The following PCDHGA10 variants were observed in gnomAD, a reference collection of about 807,000 sequenced individuals.
The protein encoded by PCDHGA10 is protocadherin gamma-A10.
PCDHGA10 carries 42 observed loss-of-function variants against 59.5 expected under a neutral mutation model. The ratio of observed to expected loss-of-function variants is 0.71; its 90% CI spans 0.55 to 0.91. PCDHGA10 has a LOEUF of 0.91. PCDHGA10 is among the 40% of genes least tolerant of loss of function. The pLI, the probability that PCDHGA10 is intolerant of heterozygous loss-of-function variation, is 0.00. For synonymous variants in PCDHGA10, 511 were observed against 517.2 expected, an observed-to-expected ratio of 0.99 and a Z score of 0.16; for missense variants, 1,111 against 1,198.2, an observed-to-expected ratio of 0.93 and a Z score of 1.07.
At chr5:141,451,468 C>G (rs2098716484) in intron 1 of PCDHGA10, among the ~76,000 whole-genome samples, 1 of 152,202 alleles carries the variant, frequency 6.6e-6, no homozygotes, top group South Asian at 2.1e-4. Context: ...AGGTCTACCT[C>G]AGTTCCTTGC....
chr5:141,495,943 CTGT>C (rs1324780860), intron 2 of PCDHGA10, among the ~76,000 whole-genome samples: 1 of 152,010 alleles, frequency 6.6e-6, no homozygotes, highest in Non-Finnish European at 1.5e-5. Flanking sequence ...GTCTCTGTGC[CTGT>C]TGTCTTTTTC....
chr5:141,469,284 A>G lies in PCDHGA10; in HGVS notation c.2437-25523A>G, dbSNP rs192391622. On this transcript the variant is annotated intron_variant, in intron 1 of 3. Transcript: ENST00000398610. ...AGAGCAAGACCCCATCTCAAAAAAT[A>G]AAACAAAATAGACTGGGCACGATGG... Among the ~76,000 whole-genome samples, 595 of 152,012 alleles carry G rather than the reference A, an allele frequency of 3.9e-3. 6 individuals are homozygous for G. The highest frequency in any genetic ancestry group is 0.011 in the Admixed American group (171 of 15,260).
At chr5:141,418,539 A>G (rs984639830) in intron 1 of PCDHGA10, 14 of 1,614,034 alleles carry the variant, frequency 8.7e-6, no homozygotes, top group Non-Finnish European at 1.0e-5. Context: ...GGTACTGCTC[A>G]GATAAGAATC....
chr5:141,486,522 A>G lies in PCDHGA10; in HGVS notation c.2437-8285A>G. 1 of 1,614,174 alleles carries G rather than the reference A, an allele frequency of 6.2e-7. No homozygotes were observed. Among genetic ancestry groups the G allele is most frequent in the Non-Finnish European group, 8.5e-7 (1 of 1,180,024 alleles). On this transcript the variant is annotated intron_variant, in intron 1 of 3. Transcript: ENST00000398610. The surrounding 1 kb of genome is among the most constrained non-coding windows in gnomAD (Gnocchi z 5.0). The stretch of plus-strand genomic sequence containing the variant: ...TTCCTCAATATTTCAGATGTGAATG[A>G]TAATCCACCCTCTTTCTTTCAGAGG...
At position 141,478,208 on chromosome 5, in the gene PCDHGA10, C is replaced by G. The variant is rs200735608; in HGVS notation, c.2437-16599C>G. The G allele has an allele frequency of 2.5e-6, 4 of 1,614,096 alleles. No individual in the cohort carries two copies. The East Asian group carries it at 8.9e-5, about 36-fold the overall frequency. ...TCTCACCTTTTATCTACTTCTTTCTCTAATCCTGGTTTCTGTGGGGTTTGT... is the reference window on the plus strand; with the variant it reads ...TCTCACCTTTTATCTACTTCTTTCTGTAATCCTGGTTTCTGTGGGGTTTGT... On this transcript the variant is annotated intron_variant, in intron 1 of 3. Coordinates refer to ENST00000398610, the MANE Select transcript of PCDHGA10 (RefSeq NM_018913.3).
intron 1 of PCDHGA10, chr5:141,478,419 G>A (rs2530208): frequency 3.7e-6 from 6 of 1,613,632 alleles, no homozygotes; most frequent in South Asian, 2.2e-5. Context: ...GACTCCCGCC[G>A]CAGCGACCCG....
chr5:141,431,736 G>T lies in PCDHGA10; in HGVS notation c.2436+16125G>T. On this transcript the variant is annotated intron_variant, in intron 1 of 3. Transcript: ENST00000398610. The surrounding 1 kb of genome is among the most constrained non-coding windows in gnomAD (Gnocchi z 4.8). ...GAAGTGCAAGCAATGGATAATGCAG[G>T]ATATTCTGCGCGAGCCAAAGTCCTG... 1 of 1,614,218 alleles carries T rather than the reference G, an allele frequency of 6.2e-7. No individual in the cohort carries two copies. The highest frequency in any genetic ancestry group is 8.5e-7 in the Non-Finnish European group (1 of 1,180,046).
At chr5:141,419,471 G>A in intron 1 of PCDHGA10, 1 of 1,612,462 alleles carries the variant, frequency 6.2e-7, no homozygotes, top group Non-Finnish European at 8.5e-7. Context: ...CCGCGACCAG[G>A]GCTCGCCCGC....
At chr5:141,496,373 C>T (rs1315450867) in intron 2 of PCDHGA10, among the ~76,000 whole-genome samples, 2 of 152,216 alleles carry the variant, frequency 1.3e-5, no homozygotes. Flanking sequence ...GAAGCAGGAG[C>T]TTGGGCCACC....
At position 141,414,589 on chromosome 5, in the gene PCDHGA10, G is replaced by T; in HGVS notation, c.1414G>T (p.Gly472Cys). 1.2e-6 allele frequency: 2 copies of T among 1,613,834 alleles called. No individual in the cohort carries two copies. Among genetic ancestry groups the T allele is most frequent in the African/African-American group, 2.7e-5 (2 of 74,980 alleles). ...CTATATCCCAGAGAACAACGCCAGG[G>T]GTGCCTCCATCTTCTCAGTGACAGC... ...FTYIPENNARGASIFSVTALD... is the reference protein window; with the variant it reads ...FTYIPENNARCASIFSVTALD... Residue 472 changes from glycine (G) to cysteine (C), a missense_variant, in exon 1 of 4, where the codon GGT becomes TGT. Coordinates refer to ENST00000398610, the MANE Select transcript of PCDHGA10 (RefSeq NM_018913.3).
rs761126985 is a variant in PCDHGA10 at position 141,431,245 on chromosome 5, C to G, written c.2436+15634C>G. ...TACCCCACGCCTGGGATCCGGATAT[C>G]GGGAAGAACTCTCTGCAGAGCTACG... is the stretch of plus-strand genomic sequence containing the variant. On this transcript the variant is annotated intron_variant, in intron 1 of 3. Transcript: ENST00000398610. This position sits in a 1 kb window ranked among gnomAD's most constrained non-coding sequence, Gnocchi z 4.8. 1.2e-6 allele frequency: 2 copies of G among 1,614,016 alleles called. No homozygotes were observed. Among genetic ancestry groups the G allele is most frequent in the Non-Finnish European group, 1.7e-6 (2 of 1,180,046 alleles).
rs139156138 is a variant in PCDHGA10 at position 141,472,179 on chromosome 5, T to C, written c.2437-22628T>C. 5.1e-4 allele frequency among the ~76,000 whole-genome samples: 77 copies of C among 152,246 alleles called. 4 individuals are homozygous for C. The East Asian group carries it at 0.014, about 27-fold the overall frequency. On this transcript the variant is annotated intron_variant, in intron 1 of 3. Coordinates refer to ENST00000398610, the MANE Select transcript of PCDHGA10 (RefSeq NM_018913.3). ...TAGCTACTAGGTGTAATATCCAGTATTGGAATTTGAATCTTTTTGACACTA... is the reference window on the plus strand; with the variant it reads ...TAGCTACTAGGTGTAATATCCAGTACTGGAATTTGAATCTTTTTGACACTA...
In PCDHGA10 at chr5:141,415,122, C is replaced by G. The variant is rs552568826; in HGVS notation, c.1947C>G (p.Ala649=). The change falls in exon 1 of 4, where the codon GCC becomes GCG. Residue 649 remains alanine (A), a synonymous_variant. Coordinates refer to ENST00000398610, the MANE Select transcript of PCDHGA10 (RefSeq NM_018913.3). The part of the protein sequence containing the change: ...RDALKQSLVV[A]VQDHGQPPLS... The stretch of plus-strand genomic sequence containing the variant: ...CGCTCAAGCAAAGCCTCGTAGTGGC[C>G]GTCCAGGACCACGGCCAGCCCCCTC... 6.2e-7 allele frequency: 1 copy of G among 1,613,668 alleles called. No homozygotes were observed. Among genetic ancestry groups the G allele is most frequent in the Non-Finnish European group, 8.5e-7 (1 of 1,180,010 alleles).
intron 1 of PCDHGA10, chr5:141,427,320 G>GT: frequency 2.2e-6 from 1 of 457,086 alleles, no homozygotes; most frequent in Non-Finnish European, 4.4e-6. Context: ...CCCAGACGTG[G>GT]TTTTTACTTC....
intron 1 of PCDHGA10, among the ~76,000 whole-genome samples, chr5:141,425,869 C>T (rs1376765137): frequency 2.0e-5 from 3 of 152,198 alleles, no homozygotes. Context: ...TATAGATTCC[C>T]ATCTCTAAGG....
Position 141,413,229 on chromosome 5 carries a change from C to A in PCDHGA10, c.54C>A (p.Val18=). The A allele has an allele frequency of 6.2e-7, 1 of 1,613,914 alleles. No homozygotes were observed. The highest frequency in any genetic ancestry group is 1.1e-5 in the South Asian group (1 of 91,088). The change falls in exon 1 of 4, where the codon GTC becomes GTA. Residue 18 remains valine, a synonymous_variant. Coordinates refer to ENST00000398610, the MANE Select transcript of PCDHGA10 (RefSeq NM_018913.3). ...SKESKDCSGL[V]LLCLFFGIPW... ...AATCAAAGGATTGCAGCGGGCTGGT[C>A]CTGCTCTGCCTTTTCTTCGGGATTC... is the stretch of plus-strand genomic sequence containing the variant.
At chr5:141,453,608 C>T (rs1015022396) in intron 1 of PCDHGA10, among the ~76,000 whole-genome samples, 6 of 152,068 alleles carry the variant, frequency 3.9e-5, no homozygotes, top group South Asian at 2.1e-4. Context: ...TTTTGCAAAA[C>T]GCAAAAACAA....
intron 1 of PCDHGA10, chr5:141,422,174 A>G (rs763681065): frequency 5.1e-6 from 8 of 1,564,176 alleles, no homozygotes; most frequent in African/African-American, 2.8e-5. Flanking sequence ...TATAGATTCT[A>G]TGAGATGGAA....
At chr5:141,433,481 G>C (rs2097613311) in intron 1 of PCDHGA10, among the ~76,000 whole-genome samples, 1 of 152,046 alleles carries the variant, frequency 6.6e-6, no homozygotes, top group African/African-American at 2.4e-5. Flanking sequence ...CTAGCCTCCT[G>C]CTTCTCCCTC....
Sources: allele counts gnomAD v4.1 joint callset (sites outside exome capture counted in the v4.1 genomes callset), GRCh38; gene constraint gnomAD v4.1.1; non-coding constraint Gnocchi (gnomAD v3.1); transcripts MANE v1.5; gene names NCBI Gene and HGNC (gene_info 2026-07-23, HGNC 2026-07-21).